The following GLDN variants were observed in gnomAD, a reference collection of about 807,000 sequenced individuals.
The protein encoded by GLDN is gliomedin.
A neutral mutation model predicts 56.5 loss-of-function variants in GLDN; 47 were observed. The ratio of observed to expected loss-of-function variants is 0.83; its 90% CI spans 0.66 to 1.06. The LOEUF is 1.06. Ranked by LOEUF, GLDN falls within the 50% of genes least tolerant of loss-of-function variation. The pLI is 0.00. For synonymous variants in GLDN, 332 were observed against 278.8 expected (o/e 1.19, Z -1.90); for missense variants, 782 against 714.3 (o/e 1.09, Z -1.08).
downstream of GLDN, among the ~76,000 whole-genome samples, chr15:51,411,092 G>T (rs750884101): frequency 3.3e-5 from 5 of 152,228 alleles, no homozygotes; most frequent in Non-Finnish European, 5.9e-5. Flanking sequence ...AATAGGGACT[G>T]AAAGGATAAT....
At position 51,341,888 on chromosome 15, in the gene GLDN, C is replaced by T. The variant is rs1201215102; in HGVS notation, c.204C>T (p.Phe68=). The change falls in exon 1 of 10, where the codon TTC becomes TTT. Residue 68 remains phenylalanine (F), a synonymous_variant. Coordinates refer to ENST00000335449, the MANE Select transcript of GLDN (RefSeq NM_181789.4). The stretch of plus-strand genomic sequence containing the variant: ...GCGAGGACAGTGCCCTGCGCTCCTT[C>T]CTGGCCGAGTTGAGCCGCGCGCCGC... ...EQREDSALRS[F]LAELSRAPRG... is the part of the protein sequence containing the mutation. The T allele has an allele frequency of 6.3e-7, 1 of 1,581,682 alleles. No individual in the cohort carries two copies. Among genetic ancestry groups the T allele is most frequent in the Non-Finnish European group, 8.5e-7 (1 of 1,171,920 alleles).
rs1304564771 is a variant in GLDN at position 51,400,385 on chromosome 15, C to A, written c.914C>A (p.Thr305Asn). ...HHSPQAESMI[T>N]SIGNPVQVLK... ...CTTCTTTTGGCAGAATCCATGATCACTTCCATTGGAAACCCAGTGCAAGTA... is the reference window on the plus strand; with the variant it reads ...CTTCTTTTGGCAGAATCCATGATCAATTCCATTGGAAACCCAGTGCAAGTA... Residue 305 changes from threonine (T) to asparagine (N), a missense_variant, in exon 8 of 10, where the codon ACT becomes AAT. Coordinates refer to ENST00000335449, the MANE Select transcript of GLDN (RefSeq NM_181789.4). 2 of 1,614,180 alleles carry A rather than the reference C, an allele frequency of 1.2e-6. No homozygotes were observed.
At chr15:51,411,155 A>G (rs1198615394), downstream of GLDN, among the ~76,000 whole-genome samples, 4 of 152,252 alleles carry the variant, frequency 2.6e-5, no homozygotes, top group Non-Finnish European at 5.9e-5. Flanking sequence ...ACAGATAAAA[A>G]GCTGAGCGTG....
At chr15:51,382,565 A>T (rs551739132) in intron 2 of GLDN, among the ~76,000 whole-genome samples, 15,306 of 147,788 alleles carry the variant, frequency 0.1, 1,551 homozygotes, top group African/African-American at 0.26. Context: ...AAAATACATA[A>T]AAAAAAAAAA....
In GLDN at chr15:51,383,803, G is replaced by T. The variant is rs371475015; in HGVS notation, c.452G>T (p.Gly151Val). The stretch of plus-strand genomic sequence containing the variant: ...GATGCAGGACCTCCGGGAGCCGGCG[G>T]GTTGCCAGGACACAACGGATTGGAT... ...SGPPGPPGAGGLPGHNGLDGQ... is the reference protein window; with the variant it reads ...SGPPGPPGAGVLPGHNGLDGQ... The change falls in exon 4 of 10, where the codon GGG becomes GTG. Residue 151 changes from glycine to valine, a missense_variant. Transcript: ENST00000335449. The T allele has an allele frequency of 7.4e-5, 119 of 1,611,276 alleles. No individual in the cohort carries two copies. Among genetic ancestry groups the T allele is most frequent in the Non-Finnish European group, 9.4e-5 (111 of 1,179,054 alleles).
intron 1 of GLDN, among the ~76,000 whole-genome samples, chr15:51,351,530 C>G (rs1011622681): frequency 3.9e-5 from 6 of 152,176 alleles, no homozygotes; most frequent in African/African-American, 1.4e-4. Flanking sequence ...TGGCAAAGGT[C>G]CCTCCTGGTG....
At chr15:51,400,629 T>C (rs1323287263) in intron 8 of GLDN, 131 bp downstream of exon 8, 2 of 1,042,624 alleles carry the variant, frequency 1.9e-6, no homozygotes, top group African/African-American at 3.2e-5. Context: ...GTCTCTTTAT[T>C]TTAGAAAGAC....
intron 1 of GLDN, among the ~76,000 whole-genome samples, chr15:51,376,689 G>T (rs1430290870): frequency 6.6e-6 from 1 of 152,138 alleles, no homozygotes. Context: ...TATTATGTAA[G>T]CTTTTTCCTA....
downstream of GLDN, among the ~76,000 whole-genome samples, chr15:51,412,694 C>CT (rs1448971156): frequency 1.3e-5 from 2 of 151,550 alleles, no homozygotes; most frequent in Admixed American, 6.6e-5. Flanking sequence ...TGTTTTTTTT[C>CT]TTTTTTTACC....
At chr15:51,411,965 G>A (rs1273440119), downstream of GLDN, among the ~76,000 whole-genome samples, 1 of 152,134 alleles carries the variant, frequency 6.6e-6, no homozygotes, top group Non-Finnish European at 1.5e-5. Context: ...TGCACACATA[G>A]GGTACAATAG....
chr15:51,371,437 G>A (rs1029899765), intron 1 of GLDN, among the ~76,000 whole-genome samples: 3 of 152,188 alleles, frequency 2.0e-5, no homozygotes, highest in Non-Finnish European at 4.4e-5. Flanking sequence ...ATTAAAACAA[G>A]CTCAAGCCAT....
At chr15:51,384,186 G>A in intron 4 of GLDN, 1 of 393,986 alleles carries the variant, frequency 2.5e-6, no homozygotes, top group Non-Finnish European at 4.6e-6. Flanking sequence ...CCTGGGAGGG[G>A]CATTCTGTGG....
chr15:51,398,641 A>T (rs1566951463), intron 6 of GLDN, among the ~76,000 whole-genome samples: 1 of 152,142 alleles, frequency 6.6e-6, no homozygotes, highest in African/African-American at 2.4e-5. Context: ...AAATGGGCGA[A>T]TCTGTGCTTT....
intron 1 of GLDN, among the ~76,000 whole-genome samples, chr15:51,372,875 G>A (rs2037545015): frequency 6.6e-6 from 1 of 152,070 alleles, no homozygotes; most frequent in Admixed American, 6.5e-5. Context: ...TAATTCTGGA[G>A]GCTGGGAAGT....
chr15:51,356,210 A>AT (rs1316363994), intron 1 of GLDN, among the ~76,000 whole-genome samples: 1 of 151,608 alleles, frequency 6.6e-6, no homozygotes, highest in Admixed American at 6.6e-5. Context: ...TGTCTCAAAA[A>AT]AAAAAAAAAA....
intron 1 of GLDN, among the ~76,000 whole-genome samples, chr15:51,354,043 G>C (rs2141054351): frequency 6.6e-6 from 1 of 152,272 alleles, no homozygotes; most frequent in Middle Eastern, 3.4e-3. Flanking sequence ...TAAAGTTGAA[G>C]ACACACTTTT....
intron 1 of GLDN, among the ~76,000 whole-genome samples, chr15:51,375,687 G>A (rs548582711): frequency 6.6e-6 from 1 of 152,314 alleles, no homozygotes; most frequent in South Asian, 2.1e-4. Context: ...GTCATCCAGT[G>A]GGGAGTGTCC....
intron 1 of GLDN, among the ~76,000 whole-genome samples, chr15:51,358,904 A>T (rs1318419675): frequency 6.6e-6 from 1 of 152,198 alleles, no homozygotes; most frequent in East Asian, 1.9e-4. Flanking sequence ...TTTTGTAAAC[A>T]GGAGGGCAAA....
At chr15:51,396,815 G>A (rs1156778945) in intron 5 of GLDN, among the ~76,000 whole-genome samples, 1 of 152,192 alleles carries the variant, frequency 6.6e-6, no homozygotes, top group East Asian at 1.9e-4. Context: ...ACGTATCAAG[G>A]AAAGATTGAA....
Sources: allele counts gnomAD v4.1 joint callset (sites outside exome capture counted in the v4.1 genomes callset), GRCh38; gene constraint gnomAD v4.1.1; transcripts MANE v1.5; gene names NCBI Gene and HGNC (gene_info 2026-07-23, HGNC 2026-07-21).